Variants in CACNA1B observed in about 807,000 individuals in gnomAD.
CACNA1B encodes the protein voltage-dependent N-type calcium channel subunit alpha-1B.
CACNA1B carries 70 observed loss-of-function variants against 247.2 expected under a neutral mutation model. The observed-to-expected ratio is 0.28, with a 90% CI of 0.23 to 0.35. The LOEUF (loss-of-function observed/expected upper bound fraction) is 0.35, where lower values mean the gene tolerates loss of function less well. Among genes scored for constraint, CACNA1B ranks in the 10% least tolerant of loss-of-function variants. CACNA1B has a pLI of 1.00. For synonymous variants in CACNA1B, 1,231 were observed against 1,294.4 expected, an observed-to-expected ratio of 0.95 and a Z score of 1.05; for missense variants, 2,367 against 3,197.4, an observed-to-expected ratio of 0.74 and a Z score of 6.26.
intron 15 of CACNA1B, among the ~76,000 whole-genome samples, chr9:137,997,075 A>C (rs1244911433): frequency 6.6e-6 from 1 of 152,226 alleles, no homozygotes; most frequent in Non-Finnish European, 1.5e-5. Context: ...GGTGGATACA[A>C]ACCCTGTATG....
In CACNA1B at chr9:137,891,891, T is replaced by C; in HGVS notation, c.530+9008T>C. The C allele has an allele frequency of 2.7e-6, 1 of 372,408 alleles. No individual in the cohort carries two copies. The highest frequency in any genetic ancestry group is 5.3e-6 in the Non-Finnish European group (1 of 187,678). The allele number at this position is 372,408 out of a possible 1,614,324, so 23.1% of individuals were successfully genotyped here. A position where few individuals can be genotyped will look rare whatever the true frequency, so the allele number is the denominator to read the frequency against. ...CACCCCCCACCCAGTCCCTGCCCTC[T>C]TCACGACCCTGCTGTGAGCTCCTTT... On this transcript the variant is annotated intron_variant, in intron 3 of 46. Transcript: ENST00000371372. The surrounding 1 kb of genome is among the most constrained non-coding windows in gnomAD (Gnocchi z 4.3).
At chr9:138,069,536 G>GA (rs770507893) in intron 31 of CACNA1B, among the ~76,000 whole-genome samples, 10 of 152,264 alleles carry the variant, frequency 6.6e-5, no homozygotes, top group Middle Eastern at 3.4e-3. Flanking sequence ...TTCTAGTTAA[G>GA]TAATCAGAGT....
chr9:138,036,199 G>GC (rs1340098440), intron 20 of CACNA1B, among the ~76,000 whole-genome samples: 3 of 152,204 alleles, frequency 2.0e-5, no homozygotes, highest in African/African-American at 7.2e-5. Context: ...GAGTGCAGTG[G>GC]CGCAATCTTG....
rs148744978 is a variant in CACNA1B, at chr9:138,118,942, G to A, written c.6030+174G>A. Among the ~76,000 whole-genome samples the A allele has an allele frequency of 3.9e-5, 6 of 152,210 alleles. No individual in the cohort carries two copies. In the South Asian group the frequency reaches 8.3e-4, roughly 21 times the overall value. ...GCACCCCGGGCAGTCCTGTCTGGGC[G>A]CCGACAGAGGTGCAGCCTGGACGCC... is the stretch of plus-strand genomic sequence containing the variant. On this transcript the variant is annotated intron_variant, in intron 44 of 46. Transcript: ENST00000371372.
At position 138,023,353 on chromosome 9, in the gene CACNA1B, G is replaced by A. The variant is rs1421237313; in HGVS notation, c.2610G>A (p.Glu870=). ...CGGCGGGGGACCAGGACCGAGCAGA[G>A]GCCCCGAAGGCGGAGAGCGGGGAGC... ...TPAAGDQDRA[E]APKAESGEPG... The change falls in exon 19 of 47, where the codon GAG becomes GAA. Residue 870 remains glutamate (E), a synonymous_variant. Coordinates refer to ENST00000371372, the MANE Select transcript of CACNA1B (RefSeq NM_000718.4). The A allele has an allele frequency of 4.9e-6, 7 of 1,429,462 alleles. No individual in the cohort carries two copies. In the East Asian group the frequency reaches 2.1e-4, roughly 43 times the overall value. 88.5% of individuals were successfully genotyped at this position (1,429,462 alleles called of 1,614,324 possible).
In CACNA1B at chr9:138,112,505, C is replaced by T. The variant is rs202104778; in HGVS notation, c.5536C>T (p.Pro1846Ser). 71 of 1,587,140 alleles carry T rather than the reference C, an allele frequency of 4.5e-5. No homozygotes were observed. The highest frequency in any genetic ancestry group is 6.6e-5 in the South Asian group (6 of 90,512). The change falls in exon 40 of 47, where the codon CCT becomes TCT. Residue 1846 changes from proline (P) to serine (S), a missense_variant and splice_region_variant. Pro to Ser is a moderately conservative substitution (Grantham distance 74). Coordinates refer to ENST00000371372, the MANE Select transcript of CACNA1B (RefSeq NM_000718.4). The stretch of plus-strand genomic sequence containing the variant: ...GGACTTGCTGGTACCACCCCATAAG[C>T]GTAAGTGTGAGGGTGAGAAATGCCC... ...TLDLLVPPHK[P>S]DEMTVGKVYA... is the part of the protein sequence containing the mutation.
chr9:137,984,639 C>T (rs1336728803), intron 13 of CACNA1B, among the ~76,000 whole-genome samples: 1 of 152,202 alleles, frequency 6.6e-6, no homozygotes, highest in East Asian at 1.9e-4. Flanking sequence ...CTGCCTACCT[C>T]CCCTGCAGCT....
intron 3 of CACNA1B, among the ~76,000 whole-genome samples, chr9:137,900,133 G>A (rs1344964602): frequency 6.6e-6 from 1 of 152,208 alleles, no homozygotes; most frequent in Admixed American, 6.5e-5. Context: ...GGCCTGACTG[G>A]GGTGTGCCCC....
chr9:138,067,677 C>T (rs1391439325), intron 31 of CACNA1B, among the ~76,000 whole-genome samples: 2 of 152,214 alleles, frequency 1.3e-5, no homozygotes, highest in African/African-American at 2.4e-5. Flanking sequence ...CTAGCCTGGG[C>T]AACAGAGTAA....
At chr9:138,098,025 G>C (rs943166498) in intron 37 of CACNA1B, among the ~76,000 whole-genome samples, 4 of 152,174 alleles carry the variant, frequency 2.6e-5, no homozygotes, top group Non-Finnish European at 4.4e-5. Context: ...CCTGGGATGG[G>C]GCCTCTCCTG....
chr9:138,089,874 T>C (rs1960821333), intron 36 of CACNA1B, among the ~76,000 whole-genome samples: 1 of 152,102 alleles, frequency 6.6e-6, no homozygotes, highest in Non-Finnish European at 1.5e-5. Context: ...TTACAATAGT[T>C]ACAAAAGAAA....
At position 138,118,090 on chromosome 9, in the gene CACNA1B, T is replaced by TC. The variant is rs542606528; in HGVS notation, c.5913+12dup. 262 of 1,367,532 alleles carry TC rather than the reference T, an allele frequency of 1.9e-4. No individual in the cohort carries two copies. In the African/African-American group the frequency reaches 3.8e-3, roughly 20 times the overall value. The allele number at this position is 1,367,532 out of a possible 1,614,324, so 84.7% of individuals were successfully genotyped here. On this transcript the variant is annotated intron_variant, in intron 43 of 46. Coordinates refer to ENST00000371372, the MANE Select transcript of CACNA1B (RefSeq NM_000718.4). The stretch of plus-strand genomic sequence containing the variant: ...GGCGGTCAGGAGCACTGGTGAGCAC[T>TC]CCCGGGGGCTAGTGAGACTGGGTTG...
rs112749789 is a variant in CACNA1B, at chr9:137,954,466, C to T, written c.1071-1232C>T. 1.3e-5 allele frequency among the ~76,000 whole-genome samples: 2 copies of T among 152,192 alleles called. No individual in the cohort carries two copies. The highest frequency in any genetic ancestry group is 2.4e-5 in the African/African-American group (1 of 41,446). ...GGGCTGGCCCTGCTGCCGGCCACTG[C>T]GTGAGAAGCAGCTGCTCTGTGGAGG... On this transcript the variant is annotated intron_variant, in intron 7 of 46. Coordinates refer to ENST00000371372, the MANE Select transcript of CACNA1B (RefSeq NM_000718.4). This position sits in a 1 kb window ranked among gnomAD's most constrained non-coding sequence, Gnocchi z 4.1.
intron 35 of CACNA1B, among the ~76,000 whole-genome samples, chr9:138,077,057 T>G (rs1430369952): frequency 6.6e-6 from 1 of 152,222 alleles, no homozygotes; most frequent in Non-Finnish European, 1.5e-5. Flanking sequence ...CAGCCTTAGT[T>G]TTGAGGCCTT....
In CACNA1B at chr9:137,917,988, G is replaced by A. The variant is rs777480263; in HGVS notation, c.966+557G>A. ...TCCCGTCCCCAGGCTGCCCGGCGAA[G>A]GTGGTGAACCGCGGAGCAGGGCCGA... On this transcript the variant is annotated intron_variant, in intron 6 of 46. Transcript: ENST00000371372. This position sits in a 1 kb window ranked among gnomAD's most constrained non-coding sequence, Gnocchi z 5.5. Among the ~76,000 whole-genome samples the A allele has an allele frequency of 6.6e-6, 1 of 152,242 alleles. No homozygotes were observed. The highest frequency in any genetic ancestry group is 1.5e-5 in the Non-Finnish European group (1 of 68,044).
At chr9:137,921,145 G>T (rs907794777) in intron 6 of CACNA1B, among the ~76,000 whole-genome samples, 1 of 152,130 alleles carries the variant, frequency 6.6e-6, no homozygotes, top group Non-Finnish European at 1.5e-5. Context: ...AGAAAAGAAG[G>T]CCCAAGGCTG....
chr9:137,957,570 AGTCTCTCC>A lies in CACNA1B; in HGVS notation c.1244-27_1244-20del. On this transcript the variant is annotated intron_variant, in intron 9 of 46. Transcript: ENST00000371372. The surrounding 1 kb of genome is among the most constrained non-coding windows in gnomAD (Gnocchi z 4.7). ...GTGGCCTGAGGGCTGCAGCTCAGGC[AGTCTCTCC>A]CATCCTTTGTTTAAAGCAGTGCTGA... 1 of 1,527,182 alleles carries A rather than the reference AGTCTCTCC, an allele frequency of 6.5e-7. No individual in the cohort carries two copies. Among genetic ancestry groups the A allele is most frequent in the African/African-American group, 1.4e-5 (1 of 72,522 alleles). 94.6% of individuals were successfully genotyped at this position (1,527,182 alleles called of 1,614,324 possible).
At position 138,114,499 on chromosome 9, in the gene CACNA1B, C is replaced by G; in HGVS notation, c.5649+9C>G. Reference sequence around the variant, plus strand: ...CTGGAGGCCTCTCCCAGGTAGCTGGCGGCCCTCAGTTTTCCAGGAAAACTG... The same window carrying G: ...CTGGAGGCCTCTCCCAGGTAGCTGGGGGCCCTCAGTTTTCCAGGAAAACTG... On this transcript the variant is annotated intron_variant, in intron 41 of 46. Coordinates refer to ENST00000371372, the MANE Select transcript of CACNA1B (RefSeq NM_000718.4). 1 of 1,458,882 alleles carries G rather than the reference C, an allele frequency of 6.9e-7. No individual in the cohort carries two copies. The highest frequency in any genetic ancestry group is 1.2e-5 in the South Asian group (1 of 82,444). 90.4% of individuals were successfully genotyped at this position (1,458,882 alleles called of 1,614,324 possible).
chr9:138,110,476 G>A (rs1044497789), intron 39 of CACNA1B, among the ~76,000 whole-genome samples: 1 of 151,814 alleles, frequency 6.6e-6, no homozygotes, highest in East Asian at 1.9e-4. Context: ...TCCCAGCTTT[G>A]ATTAACTTTG....
Sources: allele counts gnomAD v4.1 joint callset (sites outside exome capture counted in the v4.1 genomes callset), GRCh38; gene constraint gnomAD v4.1.1; non-coding constraint Gnocchi (gnomAD v3.1); transcripts MANE v1.5; gene names NCBI Gene and HGNC (gene_info 2026-07-23, HGNC 2026-07-21).